NFASC: variants seen among roughly 807,000 people sequenced by gnomAD.
The protein encoded by NFASC is neurofascin homolog.
In NFASC, 43 loss-of-function variants were observed where a neutral mutation model predicts 147.5. That is an observed-to-expected ratio of 0.29 (90% CI 0.23 to 0.38). NFASC has a LOEUF of 0.38. Ranked by LOEUF, NFASC falls within the 10% of genes least tolerant of loss-of-function variation. The probability of loss-of-function intolerance (pLI) is 1.00; values close to 1 mark genes in which losing one functional copy is unlikely to be tolerated. For synonymous variants in NFASC, 622 were observed against 665.5 expected (o/e 0.93, Z 1.01); for missense variants, 1,320 against 1,689.0 (o/e 0.78, Z 3.83).
Position 204,898,435 on chromosome 1 carries a change from T to C in NFASC, c.-199-22197T>C, listed in dbSNP as rs138532782. Among the ~76,000 whole-genome samples the C allele has an allele frequency of 7.7e-4, 118 of 152,318 alleles. 1 individual carries two copies. Among genetic ancestry groups the C allele is most frequent in the South Asian group, 5.0e-3 (24 of 4,830 alleles). On this transcript the variant is annotated intron_variant, in intron 1 of 29. Coordinates refer to ENST00000339876, the MANE Select transcript of NFASC (RefSeq NM_001005388.3). The stretch of plus-strand genomic sequence containing the variant: ...AGGAAATATGGTATAAAAGGAAACC[T>C]TCTGTATAGATCGCTCTTTTTATCT...
intron 3 of NFASC, 192 bp downstream of exon 3, chr1:204,944,598 G>A (rs2093590030): frequency 5.2e-6 from 3 of 580,638 alleles, no homozygotes; most frequent in East Asian, 3.0e-5. Context: ...GTTTGAGACT[G>A]TATGTTGCAG....
intron 1 of NFASC, among the ~76,000 whole-genome samples, chr1:204,882,566 T>TA (rs988906930): frequency 6.6e-6 from 1 of 152,184 alleles, no homozygotes; most frequent in Non-Finnish European, 1.5e-5. Flanking sequence ...TACCTGCACT[T>TA]ACGTCTCTGT....
chr1:204,956,089 C>T (rs2094413380), intron 7 of NFASC, among the ~76,000 whole-genome samples: 1 of 152,178 alleles, frequency 6.6e-6, no homozygotes, highest in South Asian at 2.1e-4. Flanking sequence ...AAGTTGTGTT[C>T]ACTCTGCCTC....
chr1:204,876,104 T>G (rs2078734423), intron 1 of NFASC, among the ~76,000 whole-genome samples: 2 of 152,232 alleles, frequency 1.3e-5, no homozygotes, highest in South Asian at 4.1e-4. Flanking sequence ...AGAGATTTTT[T>G]GTTTGTTCAT....
At chr1:204,921,997 G>C (rs1356347759) in intron 2 of NFASC, among the ~76,000 whole-genome samples, 2 of 152,162 alleles carry the variant, frequency 1.3e-5, no homozygotes, top group African/African-American at 4.8e-5. Flanking sequence ...TGAACATACT[G>C]ACTGACAGTG....
chr1:205,013,292 A>C (rs2151072629), intron 29 of NFASC, among the ~76,000 whole-genome samples: 1 of 152,254 alleles, frequency 6.6e-6, no homozygotes, highest in Admixed American at 6.5e-5. Flanking sequence ...CTAACCCTGA[A>C]GATAATGACC....
At position 204,907,171 on chromosome 1, in the gene NFASC, T is replaced by C. The variant is rs529870985; in HGVS notation, c.-199-13461T>C. Among the ~76,000 whole-genome samples the C allele has an allele frequency of 1.7e-3, 261 of 152,314 alleles. 1 individual carries two copies. The South Asian group carries it at 0.019, about 11-fold the overall frequency. ...TGTTTGTTGTTTAGCCATTCTAACA[T>C]GTGTATAATGGTATCTCAATGTGGT... On this transcript the variant is annotated intron_variant, in intron 1 of 29. Transcript: ENST00000339876.
chr1:204,873,360 G>T (rs886399157), intron 1 of NFASC, among the ~76,000 whole-genome samples: 2 of 152,274 alleles, frequency 1.3e-5, no homozygotes, highest in African/African-American at 4.8e-5. Flanking sequence ...AGCAGCTCTG[G>T]GTACACCAAG....
intron 1 of NFASC, among the ~76,000 whole-genome samples, chr1:204,900,857 A>T (rs2084415992): frequency 6.6e-6 from 1 of 151,774 alleles, no homozygotes; most frequent in Admixed American, 6.6e-5. Context: ...TTTTTTTCAA[A>T]GTGGAAATGG....
chr1:204,908,307 C>A (rs2086455986), intron 1 of NFASC, among the ~76,000 whole-genome samples: 1 of 151,990 alleles, frequency 6.6e-6, no homozygotes, highest in Non-Finnish European at 1.5e-5. Flanking sequence ...ACAATATTTT[C>A]TTCCAGTTTG....
At chr1:204,909,258 A>G (rs1266208252) in intron 1 of NFASC, among the ~76,000 whole-genome samples, 1 of 151,958 alleles carries the variant, frequency 6.6e-6, no homozygotes. Context: ...TGTTGTCACA[A>G]TTTTTTTTAA....
rs576302245 is a variant in NFASC at position 204,843,318 on chromosome 1, C to T, written c.-200+14536C>T. On this transcript the variant is annotated intron_variant, in intron 1 of 29. Coordinates refer to ENST00000339876, the MANE Select transcript of NFASC (RefSeq NM_001005388.3). ...ACATGTTATTGAGATGGTTAATCCA[C>T]TTAAGAAATAATACAGAGAGATCCT... Among the ~76,000 whole-genome samples the T allele has an allele frequency of 6.2e-4, 95 of 152,296 alleles. 1 individual carries two copies. Among genetic ancestry groups the T allele is most frequent in the Admixed American group, 5.1e-3 (78 of 15,304 alleles).
chr1:204,881,581 G>T (rs775625149), intron 1 of NFASC, among the ~76,000 whole-genome samples: 1 of 152,122 alleles, frequency 6.6e-6, no homozygotes, highest in Non-Finnish European at 1.5e-5. Context: ...AGAGCTTCTG[G>T]TATGAGACGG....
In NFASC at chr1:204,932,010, G is replaced by A. The variant is rs575802881; in HGVS notation, c.-91+11270G>A. Reference sequence around the variant, plus strand: ...GCAAGTGAAGTGAAGCGGGAGAGGAGACATGGGCTGAGCAACCTCACTCTG... The same window carrying A: ...GCAAGTGAAGTGAAGCGGGAGAGGAAACATGGGCTGAGCAACCTCACTCTG... On this transcript the variant is annotated intron_variant, in intron 2 of 29. Coordinates refer to ENST00000339876, the MANE Select transcript of NFASC (RefSeq NM_001005388.3). Among the ~76,000 whole-genome samples the A allele has an allele frequency of 3.9e-5, 6 of 152,248 alleles. No homozygotes were observed. In the East Asian group the frequency reaches 1.2e-3, roughly 29 times the overall value.
In NFASC at chr1:204,865,903, GTGAT is replaced by G. The variant is rs773813665; in HGVS notation, c.-200+37124_-200+37127del. On this transcript the variant is annotated intron_variant, in intron 1 of 29. Coordinates refer to ENST00000339876, the MANE Select transcript of NFASC (RefSeq NM_001005388.3). ...TAGTACACACCGGCAGTTTTACAAA[GTGAT>G]TGTGCCAATTTACCCTTCTGCCAGC... 2.6e-5 allele frequency among the ~76,000 whole-genome samples: 4 copies of G among 152,322 alleles called. No individual in the cohort carries two copies. In the South Asian group the frequency reaches 8.3e-4, roughly 32 times the overall value.
At position 204,975,007 on chromosome 1, in the gene NFASC, A is replaced by T. The variant is rs536514231; in HGVS notation, c.1558+184A>T. On this transcript the variant is annotated intron_variant, in intron 14 of 29. Transcript: ENST00000339876. The surrounding 1 kb of genome is among the most constrained non-coding windows in gnomAD (Gnocchi z 4.0). Reference sequence around the variant, plus strand: ...GTGGTCCAAAGAGAATTAGGAAGGGAAACCTTCTGCTCACACCAACTCCCC... The same window carrying T: ...GTGGTCCAAAGAGAATTAGGAAGGGTAACCTTCTGCTCACACCAACTCCCC... 6.6e-6 allele frequency among the ~76,000 whole-genome samples: 1 copy of T among 152,300 alleles called. No individual in the cohort carries two copies. The highest frequency in any genetic ancestry group is 2.1e-4 in the South Asian group (1 of 4,824).
chr1:204,877,498 C>G (rs756450471), intron 1 of NFASC, among the ~76,000 whole-genome samples: 1 of 151,970 alleles, frequency 6.6e-6, no homozygotes, highest in Non-Finnish European at 1.5e-5. Context: ...TCTATTTAAC[C>G]TTTAGGAAGG....
chr1:204,861,647 G>A (rs1303108786), intron 1 of NFASC, among the ~76,000 whole-genome samples: 1 of 152,034 alleles, frequency 6.6e-6, no homozygotes, highest in East Asian at 1.9e-4. Context: ...CTGCCACCAC[G>A]CCCGGCTAAT....
chr1:204,831,026 G>A (rs891213931), intron 1 of NFASC, among the ~76,000 whole-genome samples: 4 of 151,952 alleles, frequency 2.6e-5, no homozygotes, highest in Non-Finnish European at 4.4e-5. Context: ...GGGGCTGGAA[G>A]CTTTCCCTGG....
Sources: allele counts gnomAD v4.1 joint callset (sites outside exome capture counted in the v4.1 genomes callset), GRCh38; gene constraint gnomAD v4.1.1; non-coding constraint Gnocchi (gnomAD v3.1); transcripts MANE v1.5; gene names NCBI Gene and HGNC (gene_info 2026-07-23, HGNC 2026-07-21).